ARRB1: variants seen among roughly 807,000 people sequenced by gnomAD.
ARRB1 encodes the protein beta-arrestin-1.
A neutral mutation model predicts 56.8 loss-of-function variants in ARRB1; 21 were observed. The observed-to-expected ratio is 0.37, with a 90% CI of 0.26 to 0.53. The LOEUF (loss-of-function observed/expected upper bound fraction) is 0.53. Among genes scored for constraint, ARRB1 ranks in the 20% least tolerant of loss-of-function variants. The pLI is 0.88. For synonymous variants in ARRB1, 210 were observed against 218.6 expected, an observed-to-expected ratio of 0.96 and a Z score of 0.35; for missense variants, 424 against 553.7, an observed-to-expected ratio of 0.77 and a Z score of 2.35.
chr11:75,263,153 G>A lies in ARRB1; in HGVS notation c.*3010C>T, dbSNP rs768238874. The stretch of plus-strand genomic sequence containing the variant: ...CCAGTACTGTGGGATGGTGCCTGGG[G>A]CCTAGTGAGGCTCCCCCACCCCTAG... On this transcript the variant is annotated 3_prime_UTR_variant, in exon 16 of 16. Transcript: ENST00000420843. Among the ~76,000 whole-genome samples the A allele has an allele frequency of 1.9e-4, 29 of 152,238 alleles. No individual in the cohort carries two copies. The highest frequency in any genetic ancestry group is 3.5e-4 in the Non-Finnish European group (24 of 68,042).
At chr11:75,302,293 CG>C (rs1253520483) in intron 1 of ARRB1, among the ~76,000 whole-genome samples, 4 of 152,188 alleles carry the variant, frequency 2.6e-5, no homozygotes, top group Non-Finnish European at 5.9e-5. Context: ...GCCGCATTCA[CG>C]GGTTCACTTC....
At chr11:75,314,654 G>A (rs1947231651) in intron 1 of ARRB1, among the ~76,000 whole-genome samples, 1 of 151,976 alleles carries the variant, frequency 6.6e-6, no homozygotes, top group Admixed American at 6.6e-5. Flanking sequence ...AGGCTGGAGT[G>A]CAGTGGCACC....
chr11:75,350,107 C>T (rs1947824371), intron 1 of ARRB1, among the ~76,000 whole-genome samples: 1 of 152,244 alleles, frequency 6.6e-6, no homozygotes, highest in African/African-American at 2.4e-5. Flanking sequence ...GCCTGAGTTG[C>T]CTCTGAGCCT....
intron 1 of ARRB1, among the ~76,000 whole-genome samples, chr11:75,333,337 T>G (rs1300872690): frequency 6.6e-6 from 1 of 152,238 alleles, no homozygotes; most frequent in Non-Finnish European, 1.5e-5. Flanking sequence ...TAAGCAGGTT[T>G]CCAGCTAAAA....
chr11:75,308,187 T>A (rs1285561626), intron 1 of ARRB1, among the ~76,000 whole-genome samples: 2 of 152,186 alleles, frequency 1.3e-5, no homozygotes, highest in Non-Finnish European at 2.9e-5. Context: ...TTAGTTAGCA[T>A]CGATCCACAA....
chr11:75,280,972 C>T (rs1591910073), intron 7 of ARRB1, 103 bp downstream of exon 7: 1 of 1,363,126 alleles, frequency 7.3e-7, no homozygotes, highest in Non-Finnish European at 1.0e-6. Context: ...TGCGCCCCTC[C>T]TCACACACTT....
chr11:75,289,863 G>A (rs1171067732), intron 2 of ARRB1, 146 bp downstream of exon 2: 4 of 1,168,262 alleles, frequency 3.4e-6, no homozygotes, highest in Non-Finnish European at 5.0e-6. Context: ...AGAGAGAGCT[G>A]TGTCACCCCT....
intron 1 of ARRB1, among the ~76,000 whole-genome samples, chr11:75,334,929 GT>G (rs11284367): frequency 0.68 from 102,661 of 150,054 alleles, 36,033 homozygotes; most frequent in African/African-American, 0.86. Flanking sequence ...AGCTTGGAAG[GT>G]TTTTTTTTTG....
At chr11:75,294,912 C>T (rs1378725025) in intron 1 of ARRB1, among the ~76,000 whole-genome samples, 1 of 152,046 alleles carries the variant, frequency 6.6e-6, no homozygotes, top group African/African-American at 2.4e-5. Context: ...CAAATTACCA[C>T]ACACTTAGTG....
chr11:75,273,064 C>A, intron 11 of ARRB1, 86 bp from the exon 12 acceptor site: 1 of 1,125,162 alleles, frequency 8.9e-7, no homozygotes, highest in Non-Finnish European at 1.3e-6. Context: ...GGGGCAGTGG[C>A]CGTCCATCCC....
chr11:75,351,157 G>C (rs187997210), intron 1 of ARRB1, among the ~76,000 whole-genome samples: 2 of 152,366 alleles, frequency 1.3e-5, no homozygotes, highest in Admixed American at 1.3e-4. Flanking sequence ...ATGCCAACAA[G>C]GCTGTCAGCA....
chr11:75,309,764 A>C (rs892493939), intron 1 of ARRB1, among the ~76,000 whole-genome samples: 2 of 152,202 alleles, frequency 1.3e-5, no homozygotes, highest in Non-Finnish European at 2.9e-5. Flanking sequence ...AAATAAATGC[A>C]TTTCCATTAC....
chr11:75,344,134 G>A (rs1947733123), intron 1 of ARRB1, among the ~76,000 whole-genome samples: 3 of 152,128 alleles, frequency 2.0e-5, no homozygotes, highest in African/African-American at 7.2e-5. Context: ...GATGCTTTAT[G>A]TCCCTGGAGG....
At chr11:75,351,538 G>C in intron 1 of ARRB1, 50 bp downstream of exon 1, 1 of 1,496,998 alleles carries the variant, frequency 6.7e-7, no homozygotes, top group Non-Finnish European at 8.9e-7. Context: ...CCGTGTCCTC[G>C]CCGAGGTCGC....
chr11:75,335,640 G>A (rs540888191), intron 1 of ARRB1, among the ~76,000 whole-genome samples: 1 of 151,942 alleles, frequency 6.6e-6, no homozygotes, highest in African/African-American at 2.4e-5. Context: ...GCCTGCGGAG[G>A]TCTGCTGCTC....
chr11:75,292,228 C>T (rs1298186954), intron 1 of ARRB1, among the ~76,000 whole-genome samples: 1 of 152,146 alleles, frequency 6.6e-6, no homozygotes, highest in Non-Finnish European at 1.5e-5. Flanking sequence ...CAACCTCCAT[C>T]CCCCAGGTTC....
chr11:75,347,678 T>G (rs1947792867), intron 1 of ARRB1, among the ~76,000 whole-genome samples: 1 of 152,202 alleles, frequency 6.6e-6, no homozygotes, highest in African/African-American at 2.4e-5. Flanking sequence ...TTATGCTTGC[T>G]GGCTGAATGG....
intron 1 of ARRB1, among the ~76,000 whole-genome samples, chr11:75,305,333 C>A (rs577118764): frequency 2.0e-5 from 3 of 151,936 alleles, no homozygotes; most frequent in Admixed American, 6.6e-5. Context: ...GCATAAGAAA[C>A]CATGCCTGGC....
In ARRB1 at chr11:75,263,978, T is replaced by C. The variant is rs991181739; in HGVS notation, c.*2185A>G. 6.6e-6 allele frequency among the ~76,000 whole-genome samples: 1 copy of C among 152,190 alleles called. No homozygotes were observed. The highest frequency in any genetic ancestry group is 2.4e-5 in the African/African-American group (1 of 41,454). On this transcript the variant is annotated 3_prime_UTR_variant, in exon 16 of 16. Transcript: ENST00000420843. ...CAGCCCCAAAGGTTTCAGAAGACAC[T>C]GGAGGGCATATGTTTGCCATGCATT...
Sources: allele counts gnomAD v4.1 joint callset (sites outside exome capture counted in the v4.1 genomes callset), GRCh38; gene constraint gnomAD v4.1.1; transcripts MANE v1.5; gene names NCBI Gene and HGNC (gene_info 2026-07-23, HGNC 2026-07-21).